CAB39: variants seen among roughly 807,000 people sequenced by gnomAD.
The protein encoded by CAB39 is calcium-binding protein 39.
CAB39 carries 8 observed loss-of-function variants against 40.0 expected under a neutral mutation model. The ratio of observed to expected loss-of-function variants is 0.20; its 90% CI spans 0.12 to 0.36. The LOEUF is 0.36. Among genes scored for constraint, CAB39 ranks in the 10% least tolerant of loss-of-function variants. The pLI, the probability that CAB39 is intolerant of heterozygous loss-of-function variation, is 1.00. For synonymous variants in CAB39, 156 were observed against 141.6 expected, an observed-to-expected ratio of 1.10 and a Z score of -0.72; for missense variants, 270 against 401.1, an observed-to-expected ratio of 0.67 and a Z score of 2.79.
At chr2:230,815,747 G>C (rs1476157277) in intron 7 of CAB39, among the ~76,000 whole-genome samples, 3 of 152,206 alleles carry the variant, frequency 2.0e-5, no homozygotes, top group African/African-American at 7.2e-5. Flanking sequence ...CCATTTCCAA[G>C]CCCTTAGGAA....
In CAB39 at chr2:230,785,704, C is replaced by CT. The variant is rs533154449; in HGVS notation, c.115-5160dup. Among the ~76,000 whole-genome samples the CT allele has an allele frequency of 2.3e-3, 352 of 151,598 alleles. 1 individual carries two copies. The highest frequency in any genetic ancestry group is 7.9e-3 in the African/African-American group (328 of 41,332). On this transcript the variant is annotated intron_variant, in intron 2 of 8. Coordinates refer to ENST00000258418, the MANE Select transcript of CAB39 (RefSeq NM_016289.4). ...AAGTACAACAAATAGCTTTCTCTCT[C>CT]TTTTTTTTGAGACAGGGTCTTGCTC...
At chr2:230,793,146 T>C in intron 3 of CAB39, 67 bp from the exon 4 acceptor site, 2 of 847,220 alleles carry the variant, frequency 2.4e-6, no homozygotes, top group Non-Finnish European at 4.0e-6. Flanking sequence ...TCGAGTTCAT[T>C]TGGGAGGGTG....
intron 5 of CAB39, among the ~76,000 whole-genome samples, chr2:230,799,485 C>T (rs1559614978): frequency 6.6e-6 from 1 of 152,198 alleles, no homozygotes. Context: ...TACCTTTCCT[C>T]CCTTGGTGTA....
chr2:230,721,418 GA>G (rs1694451209), intron 1 of CAB39, among the ~76,000 whole-genome samples: 1 of 152,142 alleles, frequency 6.6e-6, no homozygotes. Flanking sequence ...GCAACAGAGG[GA>G]AACTCCATCT....
At chr2:230,755,467 T>C (rs925370238) in intron 1 of CAB39, among the ~76,000 whole-genome samples, 2 of 152,242 alleles carry the variant, frequency 1.3e-5, no homozygotes, top group East Asian at 1.9e-4. Context: ...TTTATGTCCT[T>C]AGCCCACTTT....
chr2:230,788,150 A>G (rs1042657739), intron 2 of CAB39, among the ~76,000 whole-genome samples: 3 of 152,094 alleles, frequency 2.0e-5, no homozygotes, highest in Non-Finnish European at 4.4e-5. Context: ...TTCACTTTAT[A>G]TAAGTTTTTA....
intron 2 of CAB39, among the ~76,000 whole-genome samples, chr2:230,760,455 C>T (rs1440628319): frequency 6.6e-6 from 1 of 152,112 alleles, no homozygotes; most frequent in Non-Finnish European, 1.5e-5. Flanking sequence ...AAGCCTCAAG[C>T]GATCTTTCCG....
chr2:230,804,519 A>G (rs1387972672), intron 5 of CAB39, among the ~76,000 whole-genome samples: 1 of 152,198 alleles, frequency 6.6e-6, no homozygotes, highest in Non-Finnish European at 1.5e-5. Context: ...TAATATCCAG[A>G]ATCTACAAAG....
chr2:230,772,261 A>G (rs1695494805), intron 2 of CAB39, among the ~76,000 whole-genome samples: 1 of 152,206 alleles, frequency 6.6e-6, no homozygotes, highest in African/African-American at 2.4e-5. Flanking sequence ...ATACTCATAT[A>G]TGCATTTCAC....
At chr2:230,751,202 T>C (rs984598120) in intron 1 of CAB39, among the ~76,000 whole-genome samples, 7 of 152,200 alleles carry the variant, frequency 4.6e-5, no homozygotes, top group Non-Finnish European at 1.0e-4. Context: ...TGTTTGTGCT[T>C]TTTGTATTTG....
At chr2:230,805,163 C>T (rs187360989) in intron 5 of CAB39, among the ~76,000 whole-genome samples, 261 of 151,874 alleles carry the variant, frequency 1.7e-3, no homozygotes, top group African/African-American at 5.6e-3. Context: ...AACCAAACAC[C>T]GCATGTTCTC....
chr2:230,814,314 G>A (rs1166167978), intron 7 of CAB39, among the ~76,000 whole-genome samples, 200 bp downstream of exon 7: 1 of 152,056 alleles, frequency 6.6e-6, no homozygotes, highest in Non-Finnish European at 1.5e-5. Flanking sequence ...TAGTAAGGTG[G>A]AGACACAGAA....
chr2:230,742,470 T>C (rs1694898218), intron 1 of CAB39, among the ~76,000 whole-genome samples: 1 of 150,830 alleles, frequency 6.6e-6, no homozygotes, highest in Admixed American at 6.6e-5. Flanking sequence ...CCCCCACGCC[T>C]GGCCAATAAA....
chr2:230,750,567 C>G (rs1695067858), intron 1 of CAB39, among the ~76,000 whole-genome samples: 1 of 149,868 alleles, frequency 6.7e-6, no homozygotes, highest in African/African-American at 2.5e-5. Context: ...GTTACCACAT[C>G]TTTTATTTTT....
intron 6 of CAB39, among the ~76,000 whole-genome samples, chr2:230,812,833 C>T (rs1001531075): frequency 2.0e-5 from 3 of 152,204 alleles, no homozygotes; most frequent in African/African-American, 7.2e-5. Flanking sequence ...GTCTGTTGTT[C>T]TATGAAAGCA....
intron 5 of CAB39, among the ~76,000 whole-genome samples, chr2:230,809,345 G>A (rs115374047): frequency 0.017 from 2,561 of 152,240 alleles, 33 homozygotes; most frequent in South Asian, 0.034. Context: ...AACATAAACA[G>A]GAACGAAAAC....
intron 1 of CAB39, among the ~76,000 whole-genome samples, chr2:230,741,097 C>T (rs570145862): frequency 6.6e-6 from 1 of 152,200 alleles, no homozygotes; most frequent in South Asian, 2.1e-4. Flanking sequence ...TCAGGCGGTC[C>T]CCTGATTAAT....
rs972891167 is a variant in CAB39, at chr2:230,820,528, G to C, written c.*1824G>C. ...GGAAGGAAGACTTGGCCGTGATGTG[G>C]TGTCCTGGCTTTGTGGTGTAGTGCT... On this transcript the variant is annotated 3_prime_UTR_variant, in exon 9 of 9. Transcript: ENST00000258418. The C allele has an allele frequency of 6.6e-6, 1 of 152,278 alleles. No homozygotes were observed. The highest frequency in any genetic ancestry group is 1.5e-5 in the Non-Finnish European group (1 of 68,038). The allele number at this position is 152,278 out of a possible 1,614,324, so 9.4% of individuals were successfully genotyped here.
chr2:230,715,681 A>T (rs1694335975), intron 1 of CAB39, among the ~76,000 whole-genome samples: 1 of 152,186 alleles, frequency 6.6e-6, no homozygotes, highest in Non-Finnish European at 1.5e-5. Context: ...TACTATAACA[A>T]ATGGGTGGTA....
Sources: allele counts gnomAD v4.1 joint callset (sites outside exome capture counted in the v4.1 genomes callset), GRCh38; gene constraint gnomAD v4.1.1; transcripts MANE v1.5; gene names NCBI Gene and HGNC (gene_info 2026-07-23, HGNC 2026-07-21).